The following AKR1C8 variants were observed in gnomAD, a reference collection of about 807,000 sequenced individuals.
The protein encoded by AKR1C8 is aldo-keto reductase family 1 member C-like protein 1.
chr10:5,175,183 T>A, the AKR1C8 span, among the ~76,000 whole-genome samples: 4 of 141,722 alleles, frequency 2.8e-5, no homozygotes. Context: ...TGTCCATGTG[T>A]TCTCATTGTT....
At chr10:5,118,858 T>C in the AKR1C8 span, among the ~76,000 whole-genome samples, 5 of 152,138 alleles carry the variant, frequency 3.3e-5, no homozygotes, top group African/African-American at 1.2e-4. Flanking sequence ...TTTCTATTAC[T>C]GGACAGTAAA....
chr10:5,176,715 T>G, the AKR1C8 span, among the ~76,000 whole-genome samples: 1 of 152,342 alleles, frequency 6.6e-6, no homozygotes, highest in East Asian at 1.9e-4. Context: ...GTTGGATTCC[T>G]AGGTATTTTA....
At chr10:5,144,514 T>C in the AKR1C8 span, among the ~76,000 whole-genome samples, 5 of 151,396 alleles carry the variant, frequency 3.3e-5, no homozygotes, top group Admixed American at 6.6e-5. Context: ...GAGCATGGAA[T>C]GTTCTTCCAT....
chr10:5,165,150 T>C, the AKR1C8 span, among the ~76,000 whole-genome samples: 1 of 152,220 alleles, frequency 6.6e-6, no homozygotes, highest in South Asian at 2.1e-4. Flanking sequence ...GTATAGGGGG[T>C]TATTTCACCA....
the AKR1C8 span, among the ~76,000 whole-genome samples, chr10:5,128,504 TAAATCACAAACCAAATACCTGCTA>T: frequency 6.6e-6 from 1 of 151,992 alleles, no homozygotes; most frequent in East Asian, 1.9e-4. Context: ...GAATGGATAA[TAAATCACAAACCAAATACCTGCTA>T]TCTTCAAGAG....
At chr10:5,134,447 G>T in the AKR1C8 span, among the ~76,000 whole-genome samples, 1 of 152,142 alleles carries the variant, frequency 6.6e-6, no homozygotes. Context: ...AGAAAATAAA[G>T]TCTCCATTTT....
At chr10:5,153,296 T>G in the AKR1C8 span, among the ~76,000 whole-genome samples, 1 of 152,144 alleles carries the variant, frequency 6.6e-6, no homozygotes, top group Non-Finnish European at 1.5e-5. Flanking sequence ...TGTGGGTAGA[T>G]GATTAAGAAA....
the AKR1C8 span, among the ~76,000 whole-genome samples, chr10:5,175,045 G>C: frequency 6.6e-6 from 1 of 151,736 alleles, no homozygotes; most frequent in African/African-American, 2.4e-5. Context: ...GTATACATGT[G>C]CCATGCTGAT....
At chr10:5,154,315 T>A in the AKR1C8 span, 1 of 371,054 alleles carries the variant, frequency 2.7e-6, no homozygotes, top group African/African-American at 2.1e-5. Flanking sequence ...GCACACATGG[T>A]TTAATCTATG....
chr10:5,170,297 C>T, the AKR1C8 span, among the ~76,000 whole-genome samples: 4 of 152,192 alleles, frequency 2.6e-5, no homozygotes, highest in African/African-American at 9.6e-5. Flanking sequence ...ACAACACTAC[C>T]ATTTAACAAC....
chr10:5,153,476 G>T, the AKR1C8 span, among the ~76,000 whole-genome samples: 39 of 152,154 alleles, frequency 2.6e-4, no homozygotes, highest in African/African-American at 9.4e-4. Flanking sequence ...GTGAACATTG[G>T]GTTAGTCCGT....
At chr10:5,128,897 G>A in the AKR1C8 span, among the ~76,000 whole-genome samples, 1 of 151,876 alleles carries the variant, frequency 6.6e-6, no homozygotes, top group Non-Finnish European at 1.5e-5. Context: ...AAGTAAATAG[G>A]AAACAATGGA....
chr10:5,178,567 G>A, the AKR1C8 span, among the ~76,000 whole-genome samples: 1 of 152,170 alleles, frequency 6.6e-6, no homozygotes, highest in Non-Finnish European at 1.5e-5. Context: ...TCTGTCTAAT[G>A]TTGACAGTGG....
At chr10:5,151,905 G>A in the AKR1C8 span, among the ~76,000 whole-genome samples, 86 of 152,068 alleles carry the variant, frequency 5.7e-4, no homozygotes, top group Non-Finnish European at 1.1e-3. Context: ...CTATAAAAAT[G>A]GGAAAAGGCC....
the AKR1C8 span, chr10:5,154,953 A>C: frequency 8.5e-5 from 13 of 152,220 alleles, 1 homozygote; most frequent in African/African-American, 3.1e-4. Context: ...ATCCAGAGAA[A>C]CTCCAAAGGA....
chr10:5,175,513 A>AAC, the AKR1C8 span, among the ~76,000 whole-genome samples: 3 of 152,268 alleles, frequency 2.0e-5, no homozygotes, highest in East Asian at 5.8e-4. Flanking sequence ...GCTAGGTCAA[A>AAC]TGGTATTTCT....
the AKR1C8 span, among the ~76,000 whole-genome samples, chr10:5,151,476 A>C: frequency 6.6e-6 from 1 of 151,660 alleles, no homozygotes; most frequent in Non-Finnish European, 1.5e-5. Context: ...AGCAGGATGG[A>C]GTCAGTTTGT....
the AKR1C8 span, among the ~76,000 whole-genome samples, chr10:5,135,551 TATCTATC>T: frequency 7.3e-4 from 111 of 151,758 alleles, no homozygotes; most frequent in Admixed American, 2.4e-3. Flanking sequence ...ATTATCTATC[TATCTATC>T]ATCTATCATC....
At chr10:5,142,185 C>T in the AKR1C8 span, among the ~76,000 whole-genome samples, 7 of 152,070 alleles carry the variant, frequency 4.6e-5, no homozygotes, top group Admixed American at 1.3e-4. Flanking sequence ...TCTTCTCTGC[C>T]GCATCCTCAC....
Sources: allele counts gnomAD v4.1 joint callset (sites outside exome capture counted in the v4.1 genomes callset), GRCh38; gene constraint gnomAD v4.1.1; transcripts MANE v1.5; gene names NCBI Gene and HGNC (gene_info 2026-07-23, HGNC 2026-07-21).